Variants in SH3BGRL2 observed in about 807,000 individuals in gnomAD.
SH3BGRL2 encodes the protein SH3 domain-binding glutamic acid-rich-like protein 2.
In SH3BGRL2, 21 loss-of-function variants were observed where a neutral mutation model predicts 14.8. That is an observed-to-expected ratio of 1.42 (90% CI 1.01 to 2.05). The LOEUF (loss-of-function observed/expected upper bound fraction) is 2.05, where lower values mean the gene tolerates loss of function less well. SH3BGRL2 is among the 30% of genes most tolerant of loss of function. The pLI, the probability that SH3BGRL2 is intolerant of heterozygous loss-of-function variation, is 0.00. For missense variants in SH3BGRL2, 147 were observed against 130.8 expected (o/e 1.12, Z -0.61); for synonymous variants, 50 against 47.8 (o/e 1.05, Z -0.19).
At chr6:79,579,232 A>G in the SH3BGRL2 span, among the ~76,000 whole-genome samples, 1 of 152,236 alleles carries the variant, frequency 6.6e-6, no homozygotes, top group Admixed American at 6.5e-5. Context: ...ACTGCAGGAT[A>G]TTATCCAGGA....
intron 2 of SH3BGRL2, among the ~76,000 whole-genome samples, chr6:79,694,913 G>A (rs1379954867): frequency 1.3e-5 from 2 of 151,796 alleles, no homozygotes; most frequent in African/African-American, 4.8e-5. Context: ...CTTTTTTTGA[G>A]CCATTCTCCG....
At chr6:79,545,440 G>C in the SH3BGRL2 span, among the ~76,000 whole-genome samples, 1 of 152,150 alleles carries the variant, frequency 6.6e-6, no homozygotes, top group Admixed American at 6.6e-5. Flanking sequence ...TATTAAAGAG[G>C]AATTAACATA....
chr6:79,566,596 T>A, the SH3BGRL2 span, among the ~76,000 whole-genome samples: 2 of 152,192 alleles, frequency 1.3e-5, no homozygotes, highest in African/African-American at 4.8e-5. Flanking sequence ...AATTATAAAA[T>A]CTTTGGAAAA....
chr6:79,640,398 C>T (rs186926266), intron 1 of SH3BGRL2, among the ~76,000 whole-genome samples: 1 of 152,260 alleles, frequency 6.6e-6, no homozygotes, highest in African/African-American at 2.4e-5. Flanking sequence ...TGAATGTTTC[C>T]CTTCTGGTTC....
chr6:79,559,025 T>C, the SH3BGRL2 span, among the ~76,000 whole-genome samples: 1 of 152,202 alleles, frequency 6.6e-6, no homozygotes, highest in Non-Finnish European at 1.5e-5. Context: ...ATTTGAGCAC[T>C]GAAATAAGTA....
intron 1 of SH3BGRL2, among the ~76,000 whole-genome samples, chr6:79,641,150 T>TTGTGTGTGTGTGTGTGTGTG: frequency 7.1e-6 from 1 of 141,312 alleles, no homozygotes; most frequent in African/African-American, 2.7e-5. Flanking sequence ...TCTCACCCTT[T>TTGTGTGTGTGTGTGTGTGTG]TGTGTGTGTG....
the SH3BGRL2 span, among the ~76,000 whole-genome samples, chr6:79,549,823 A>G: frequency 6.6e-6 from 1 of 152,236 alleles, no homozygotes; most frequent in Non-Finnish European, 1.5e-5. Flanking sequence ...ATTAATGAGT[A>G]ACCACCACAA....
the SH3BGRL2 span, among the ~76,000 whole-genome samples, chr6:79,578,345 T>A: frequency 6.6e-6 from 1 of 152,222 alleles, no homozygotes; most frequent in African/African-American, 2.4e-5. Context: ...GACCACCGTG[T>A]AGTCTAACTG....
At chr6:79,586,597 G>T in the SH3BGRL2 span, among the ~76,000 whole-genome samples, 2 of 152,144 alleles carry the variant, frequency 1.3e-5, no homozygotes, top group Non-Finnish European at 2.9e-5. Context: ...TACATCTACA[G>T]TGACTCTGAA....
upstream of SH3BGRL2, chr6:79,631,324 G>C (rs1300875148): frequency 4.2e-6 from 3 of 714,632 alleles, no homozygotes; most frequent in Non-Finnish European, 4.1e-6. Context: ...CGCCGGGAGG[G>C]AGCCAGATCC....
the SH3BGRL2 span, among the ~76,000 whole-genome samples, chr6:79,551,830 C>CATGGTGGCCAAGCATGGTGG: frequency 4.6e-5 from 7 of 152,138 alleles, no homozygotes; most frequent in Non-Finnish European, 8.8e-5. Context: ...TGGTTCATGG[C>CATGGTGGCCAAGCATGGTGG]TTAAATCCCA....
chr6:79,573,214 A>G, the SH3BGRL2 span, among the ~76,000 whole-genome samples: 1 of 151,930 alleles, frequency 6.6e-6, no homozygotes, highest in African/African-American at 2.4e-5. Flanking sequence ...CCCTCTGTAT[A>G]GATACCCATC....
the SH3BGRL2 span, among the ~76,000 whole-genome samples, chr6:79,592,416 G>A: frequency 2.0e-5 from 3 of 152,164 alleles, no homozygotes; most frequent in Non-Finnish European, 4.4e-5. Flanking sequence ...GAAACTGTGA[G>A]TGTGATATGT....
chr6:79,557,154 C>T, the SH3BGRL2 span, among the ~76,000 whole-genome samples: 3 of 151,228 alleles, frequency 2.0e-5, no homozygotes, highest in African/African-American at 7.3e-5. Context: ...ACAAGGTGAC[C>T]AAGTAGAATG....
At chr6:79,668,134 A>G (rs1029806250) in intron 1 of SH3BGRL2, among the ~76,000 whole-genome samples, 4 of 152,156 alleles carry the variant, frequency 2.6e-5, no homozygotes, top group Admixed American at 6.5e-5. Flanking sequence ...CTGGAAGCCT[A>G]TGGAAGGAAT....
the SH3BGRL2 span, among the ~76,000 whole-genome samples, chr6:79,541,532 C>T: frequency 6.6e-6 from 1 of 152,184 alleles, no homozygotes; most frequent in Non-Finnish European, 1.5e-5. Flanking sequence ...GCCACCAGTG[C>T]TCCAGATTTA....
intron 2 of SH3BGRL2, among the ~76,000 whole-genome samples, chr6:79,694,588 A>G (rs970561113): frequency 5.2e-4 from 79 of 152,226 alleles, no homozygotes; most frequent in African/African-American, 1.8e-3. Flanking sequence ...AGGAACCTCC[A>G]GTTGCTCAGC....
At chr6:79,561,180 A>G in the SH3BGRL2 span, 1 of 151,962 alleles carries the variant, frequency 6.6e-6, no homozygotes, top group East Asian at 1.9e-4. Flanking sequence ...ACTCCCGGCC[A>G]ACAATACATT....
At chr6:79,567,612 A>G in the SH3BGRL2 span, among the ~76,000 whole-genome samples, 2 of 152,260 alleles carry the variant, frequency 1.3e-5, no homozygotes, top group African/African-American at 4.8e-5. Context: ...TGTCATAACC[A>G]AAAAATAAAT....
Sources: gnomAD v4.1 joint callset for allele counts (sites outside exome capture counted in the v4.1 genomes callset) on GRCh38, gnomAD v4.1.1 for gene constraint, MANE v1.5 for transcripts, NCBI Gene and HGNC (gene_info 2026-07-23, HGNC 2026-07-21) for gene names.